Variants in CFAP74 observed in about 807,000 individuals in gnomAD.
CFAP74 encodes the protein cilia- and flagella-associated protein 74.
In CFAP74, 124 loss-of-function variants were observed where a neutral mutation model predicts 188.9. The ratio of observed to expected loss-of-function variants is 0.66; its 90% CI spans 0.57 to 0.76. CFAP74 has a LOEUF of 0.76. CFAP74 is among the 30% of genes least tolerant of loss of function. The pLI is 0.00. For synonymous variants in CFAP74, 956 were observed against 916.7 expected (o/e 1.04, Z -0.77); for missense variants, 2,198 against 2,165.2 (o/e 1.02, Z -0.30).
chr1:1,972,790 C>T (rs1656180616), intron 8 of CFAP74, 147 bp downstream of exon 8: 9 of 667,222 alleles, frequency 1.3e-5, no homozygotes, highest in South Asian at 1.7e-5. Flanking sequence ...AGCAGTGAGC[C>T]GAGATCGCGC....
intron 25 of CFAP74, 53 bp from the exon 26 acceptor site, chr1:1,930,389 C>T (rs1008642403): frequency 2.0e-5 from 29 of 1,463,230 alleles, no homozygotes; most frequent in Non-Finnish European, 2.6e-5. Context: ...CCGTGTCCCT[C>T]TGCGGCAGGC....
Position 1,927,000 on chromosome 1 carries a change from T to C in CFAP74, c.3556A>G (p.Thr1186Ala), listed in dbSNP as rs1431097227. The change falls in exon 29 of 39, where the codon ACC becomes GCC. Residue 1186 changes from threonine (T) to alanine (A), a missense_variant. By Grantham distance (58) the Thr-to-Ala change is moderately conservative. Coordinates refer to ENST00000682832, the MANE Select transcript of CFAP74 (RefSeq NM_001304360.2). Reference sequence around the variant, plus strand: ...TTCGCCTGGAACGCTCTGAGCAGGGTGGCTCGGGCGGCCTGGTACTCGTCG... The same window carrying C: ...TTCGCCTGGAACGCTCTGAGCAGGGCGGCTCGGGCGGCCTGGTACTCGTCG... ...SSDEYQAARA[T>A]LLRAFQAKFD... 1 of 1,550,052 alleles carries C rather than the reference T, an allele frequency of 6.5e-7. No individual in the cohort carries two copies. The highest frequency in any genetic ancestry group is 8.7e-7 in the Non-Finnish European group (1 of 1,146,858).
Position 1,963,733 on chromosome 1 carries a change from T to G in CFAP74, c.1694+16A>C. Reference sequence around the variant, plus strand: ...TCCCTGCACCGCGTCCCTCCCTGTCTGAGCCGTCCTCTTACTCAACGTGGA... The same window carrying G: ...TCCCTGCACCGCGTCCCTCCCTGTCGGAGCCGTCCTCTTACTCAACGTGGA... On this transcript the variant is annotated intron_variant, in intron 14 of 38. Transcript: ENST00000682832. 4.4e-5 allele frequency: 69 copies of G among 1,560,342 alleles called. No individual in the cohort carries two copies. Among genetic ancestry groups the G allele is most frequent in the Non-Finnish European group, 5.7e-5 (65 of 1,132,404 alleles).
In CFAP74 at chr1:1,930,305, C is replaced by T. The variant is rs755787537; in HGVS notation, c.3043G>A (p.Val1015Ile). The T allele has an allele frequency of 3.1e-5, 47 of 1,530,144 alleles. No individual in the cohort carries two copies. Among genetic ancestry groups the T allele is most frequent in the African/African-American group, 2.9e-4 (21 of 72,906 alleles). The allele number at this position is 1,530,144 out of a possible 1,614,324, so 94.8% of individuals were successfully genotyped here. Residue 1015 changes from valine (V) to isoleucine (I), a missense_variant, in exon 26 of 39, where the codon GTC becomes ATC. Physicochemically the swap from Val to Ile is conservative, Grantham distance 29. Coordinates refer to ENST00000682832, the MANE Select transcript of CFAP74 (RefSeq NM_001304360.2). Reference protein sequence around the residue: ...CFKLSCRAVGVHPPLELSHYQ... With the variant: ...CFKLSCRAVGIHPPLELSHYQ... ...TGGGACAGCTCCAGGGGTGGGTGGA[C>T]GCCTACAGCCCGGCAAGACAGCTTG...
Position 1,979,125 on chromosome 1 carries a change from T to C in CFAP74, c.501-4927A>G, listed in dbSNP as rs140588819. 2.2e-3 allele frequency among the ~76,000 whole-genome samples: 154 copies of C among 69,086 alleles called. 22 individuals are homozygous for C. The highest frequency in any genetic ancestry group is 2.8e-3 in the Non-Finnish European group (96 of 34,168). 45.3% of individuals were successfully genotyped at this position (69,086 alleles called of 152,430 possible). A position where few individuals can be genotyped will look rare whatever the true frequency, so the allele number is the denominator to read the frequency against. ...TCACGTGACAAGGCTGCACAGAACA[T>C]GTGTGTGGTACTGAGCTGGGCGTGG... On this transcript the variant is annotated intron_variant, in intron 6 of 38. Coordinates refer to ENST00000682832, the MANE Select transcript of CFAP74 (RefSeq NM_001304360.2).
chr1:1,928,899 G>T lies in CFAP74; in HGVS notation c.3289-17C>A. ...CAGGCACCTCTGAGGAGAGACCAGC[G>T]TGGGCACAGGGGTTGCCACTTCCCT... On this transcript the variant is annotated splice_polypyrimidine_tract_variant and intron_variant, in intron 26 of 38. Transcript: ENST00000682832. The T allele has an allele frequency of 6.6e-7, 1 of 1,520,392 alleles. No homozygotes were observed. The highest frequency in any genetic ancestry group is 1.4e-5 in the African/African-American group (1 of 72,816). The allele number at this position is 1,520,392 out of a possible 1,614,324, so 94.2% of individuals were successfully genotyped here.
At chr1:1,930,369 T>A in intron 25 of CFAP74, 33 bp from the exon 26 acceptor site, 1 of 1,490,628 alleles carries the variant, frequency 6.7e-7, no homozygotes, top group Non-Finnish European at 8.9e-7. Flanking sequence ...CCCTCAGCCG[T>A]GCAGGGCGTC....
chr1:1,992,966 C>T (rs1365200751), intron 1 of CFAP74, among the ~76,000 whole-genome samples: 9 of 151,300 alleles, frequency 5.9e-5, no homozygotes, highest in African/African-American at 1.2e-4. Context: ...TTTGGGAGGC[C>T]AAGGTGGGCA....
At position 1,922,336 on chromosome 1, in the gene CFAP74, T is replaced by G; in HGVS notation, c.4871A>C (p.Lys1624Thr). The G allele has an allele frequency of 6.2e-7, 1 of 1,605,500 alleles. No homozygotes were observed. The highest frequency in any genetic ancestry group is 8.5e-7 in the Non-Finnish European group (1 of 1,177,668). The change falls in exon 39 of 39, where the codon AAG becomes ACG. Residue 1624 changes from lysine (K) to threonine (T), a missense_variant. By Grantham distance (78) the Lys-to-Thr change is moderately conservative (BLOSUM62 -1). Coordinates refer to ENST00000682832, the MANE Select transcript of CFAP74 (RefSeq NM_001304360.2). ...TACAAAGATGACCTTGTAGGTCTCCTTCACATCCCCCCTTAGCTGCAGCAG... is the reference window on the plus strand; with the variant it reads ...TACAAAGATGACCTTGTAGGTCTCCGTCACATCCCCCCTTAGCTGCAGCAG... ...SALLQLRGDV[K>T]ETYKVIFVAQ... is the part of the protein sequence containing the mutation.
At chr1:1,986,520 A>G (rs1029982304) in intron 5 of CFAP74, among the ~76,000 whole-genome samples, 10 of 152,314 alleles carry the variant, frequency 6.6e-5, no homozygotes, top group African/African-American at 2.2e-4. Flanking sequence ...AGGCGAGGCC[A>G]GAGCTGCAGC....
chr1:1,982,992 G>A (rs924638940), intron 6 of CFAP74, among the ~76,000 whole-genome samples: 1 of 152,228 alleles, frequency 6.6e-6, no homozygotes, highest in Admixed American at 6.5e-5. Flanking sequence ...GCCCGAAAAC[G>A]CCCACAGAGC....
In CFAP74 at chr1:1,963,879, C is replaced by T. The variant is rs565091869; in HGVS notation, c.1576-12G>A. ...CCAATATCAAAGTCCTGGGAAAGGC[C>T]GAGGTAGCAGCTTCAGAGCGGGTCA... is the stretch of plus-strand genomic sequence containing the variant. On this transcript the variant is annotated splice_polypyrimidine_tract_variant and intron_variant, in intron 13 of 38. Transcript: ENST00000682832. The T allele has an allele frequency of 2.0e-5, 32 of 1,569,674 alleles. 1 individual carries two copies. In the South Asian group the frequency reaches 3.2e-4, roughly 16 times the overall value.
chr1:1,930,291 CA>C lies in CFAP74; in HGVS notation c.3056del (p.Leu1019ArgfsTer30). On this transcript the variant is annotated frameshift_variant, in exon 26 of 39. Transcript: ENST00000682832. LOFTEE classifies it high-confidence loss of function. ...SCRAVGVHPP[L>X]ELSHYQIKFA... Reference sequence around the variant, plus strand: ...ACTTGATCTGGTAGTGGGACAGCTCCAGGGGTGGGTGGACGCCTACAGCCCG... The same window carrying C: ...ACTTGATCTGGTAGTGGGACAGCTCCGGGGTGGGTGGACGCCTACAGCCCG... 1.3e-6 allele frequency: 2 copies of C among 1,534,136 alleles called. No individual in the cohort carries two copies. The highest frequency in any genetic ancestry group is 2.4e-5 in the South Asian group (2 of 84,014).
In CFAP74 at chr1:1,959,265, G is replaced by T. The variant is rs1034460216; in HGVS notation, c.1762-56C>A. The T allele has an allele frequency of 6.0e-5, 65 of 1,090,900 alleles. No individual in the cohort carries two copies. The African/African-American group carries it at 6.0e-4, about 10-fold the overall frequency. The allele number at this position is 1,090,900 out of a possible 1,614,324, so 67.6% of individuals were successfully genotyped here. A position where few individuals can be genotyped will look rare whatever the true frequency, so the allele number is the denominator to read the frequency against. On this transcript the variant is annotated intron_variant, in intron 15 of 38. Coordinates refer to ENST00000682832, the MANE Select transcript of CFAP74 (RefSeq NM_001304360.2). ...CACTTCTGCAACTTTTGTGTGTTTT[G>T]TTTTTTTTTTGGACAGGGTCTGGCT...
intron 12 of CFAP74, 29 bp downstream of exon 12, chr1:1,966,342 C>T (rs997694892): frequency 1.4e-6 from 2 of 1,464,448 alleles, no homozygotes; most frequent in East Asian, 2.6e-5. Context: ...GGTCCGTCTG[C>T]AAGCGTCTAA....
rs1342963010 is a variant in CFAP74, at chr1:1,963,164, ACT to A, written c.1694+583_1694+584del. 5.3e-5 allele frequency among the ~76,000 whole-genome samples: 8 copies of A among 152,128 alleles called. No homozygotes were observed. The East Asian group carries it at 1.2e-3, about 22-fold the overall frequency. On this transcript the variant is annotated intron_variant, in intron 14 of 38. Transcript: ENST00000682832. ...TCAAAACATAACAATACAAAAGGAA[ACT>A]CTGACAAGGTGTGGTGGCTCATGCC...
Position 1,964,947 on chromosome 1 carries a change from A to G in CFAP74, c.1516T>C (p.Trp506Arg). The change falls in exon 13 of 39, where the codon TGG becomes CGG. Residue 506 changes from tryptophan (W) to arginine (R), a missense_variant. Physicochemically the swap from Trp to Arg is moderately radical, Grantham distance 101. Coordinates refer to ENST00000682832, the MANE Select transcript of CFAP74 (RefSeq NM_001304360.2). The part of the protein sequence containing the change: ...RSRVVHKQVV[W>R]GREFQGRPFN... ...GGGCGTCCTTGGAACTCACGCCCCC[A>G]CACCACCTGCTTGTGGACCACCCTG... is the stretch of plus-strand genomic sequence containing the variant. The G allele has an allele frequency of 1.2e-6, 2 of 1,613,910 alleles. No individual in the cohort carries two copies. Among genetic ancestry groups the G allele is most frequent in the Non-Finnish European group, 1.7e-6 (2 of 1,179,958 alleles).
intron 32 of CFAP74, 107 bp from the exon 33 acceptor site, chr1:1,926,045 G>GC (rs1651864129): frequency 4.3e-6 from 6 of 1,406,142 alleles, no homozygotes; most frequent in Non-Finnish European, 5.7e-6. Context: ...AGACAGCTCT[G>GC]GGGGGGCTCT....
intron 17 of CFAP74, among the ~76,000 whole-genome samples, chr1:1,956,359 C>T: frequency 6.6e-6 from 1 of 152,182 alleles, no homozygotes. Flanking sequence ...GGGCCTGGAG[C>T]TGCTGGCCAG....
Sources: allele counts gnomAD v4.1 joint callset (sites outside exome capture counted in the v4.1 genomes callset), GRCh38; gene constraint gnomAD v4.1.1; transcripts MANE v1.5; gene names NCBI Gene and HGNC (gene_info 2026-07-23, HGNC 2026-07-21).